The following MIPOL1 variants were observed in gnomAD, a reference collection of about 807,000 sequenced individuals.
MIPOL1 encodes the protein mirror-image polydactyly gene 1 protein.
In MIPOL1, 57 loss-of-function variants were observed where a neutral mutation model predicts 60.9. The ratio of observed to expected loss-of-function variants is 0.94; its 90% CI spans 0.76 to 1.17. MIPOL1 has a LOEUF of 1.17. MIPOL1 is among the 50% of genes most tolerant of loss of function. The pLI is 0.00. For missense variants in MIPOL1, 551 were observed against 511.6 expected (o/e 1.08, Z -0.74); for synonymous variants, 179 against 168.8 (o/e 1.06, Z -0.47).
chr14:37,225,400 C>G lies in MIPOL1; in HGVS notation c.-198-21703C>G, dbSNP rs151231880. On this transcript the variant is annotated intron_variant, in intron 1 of 12. Transcript: ENST00000684589. ...ACATCCAGGCATTTCCGTACATCCTCTGAAATCTAGGCAGAGGTTCCCAAA... is the reference window on the plus strand; with the variant it reads ...ACATCCAGGCATTTCCGTACATCCTGTGAAATCTAGGCAGAGGTTCCCAAA... 5.6e-3 allele frequency among the ~76,000 whole-genome samples: 853 copies of G among 152,316 alleles called. 5 individuals are homozygous for G. The highest frequency in any genetic ancestry group is 0.019 in the African/African-American group (807 of 41,580).
At chr14:37,527,110 A>T (rs1338248143) in intron 12 of MIPOL1, among the ~76,000 whole-genome samples, 1 of 152,198 alleles carries the variant, frequency 6.6e-6, no homozygotes, top group East Asian at 1.9e-4. Flanking sequence ...TGGACAAAAA[A>T]TTGTTTATAA....
intron 9 of MIPOL1, among the ~76,000 whole-genome samples, chr14:37,322,099 A>G (rs1011997528): frequency 6.6e-6 from 1 of 152,038 alleles, no homozygotes; most frequent in East Asian, 1.9e-4. Context: ...TGATGCATTC[A>G]TGTAAATGCA....
chr14:37,313,795 A>G (rs1177347231), intron 9 of MIPOL1, among the ~76,000 whole-genome samples: 1 of 152,178 alleles, frequency 6.6e-6, no homozygotes, highest in African/African-American at 2.4e-5. Flanking sequence ...CTTGATTATA[A>G]TTAGTTCAGA....
At chr14:37,455,778 G>A (rs947825757) in intron 11 of MIPOL1, among the ~76,000 whole-genome samples, 2 of 152,198 alleles carry the variant, frequency 1.3e-5, no homozygotes, top group African/African-American at 4.8e-5. Flanking sequence ...GGCAACTAAT[G>A]TGTTTATATT....
At chr14:37,234,317 T>A (rs1567090631) in intron 1 of MIPOL1, among the ~76,000 whole-genome samples, 2 of 151,960 alleles carry the variant, frequency 1.3e-5, no homozygotes, top group Non-Finnish European at 2.9e-5. Flanking sequence ...GAGCTTCATC[T>A]TCAATATTGT....
chr14:37,512,499 A>G (rs980066988), intron 12 of MIPOL1, among the ~76,000 whole-genome samples: 3 of 151,018 alleles, frequency 2.0e-5, no homozygotes, highest in African/African-American at 7.3e-5. Flanking sequence ...AAAGCCTGCT[A>G]TTTTCATCAA....
chr14:37,386,462 C>G (rs969377094), intron 10 of MIPOL1, among the ~76,000 whole-genome samples: 3 of 151,836 alleles, frequency 2.0e-5, no homozygotes, highest in African/African-American at 7.2e-5. Flanking sequence ...ATAAATTGAT[C>G]TTGTTTCTCC....
At chr14:37,552,247 T>C (rs1475994560), downstream of MIPOL1, 1 of 152,232 alleles carries the variant, frequency 6.6e-6, no homozygotes, top group Non-Finnish European at 1.5e-5. Context: ...TTGTGATTTG[T>C]CACACATTTT....
chr14:37,472,442 CT>C (rs1566665965), intron 11 of MIPOL1, among the ~76,000 whole-genome samples: 1 of 137,254 alleles, frequency 7.3e-6, no homozygotes, highest in African/African-American at 2.7e-5. Flanking sequence ...GAGAAACTAA[CT>C]AGTGAGAGTG....
At chr14:37,209,128 G>C (rs936979502) in intron 1 of MIPOL1, among the ~76,000 whole-genome samples, 2 of 151,980 alleles carry the variant, frequency 1.3e-5, no homozygotes, top group Non-Finnish European at 2.9e-5. Context: ...AACTAATCCA[G>C]AGCTGATGTT....
intron 9 of MIPOL1, among the ~76,000 whole-genome samples, chr14:37,313,290 G>A (rs2087543846): frequency 6.6e-6 from 1 of 152,086 alleles, no homozygotes; most frequent in Non-Finnish European, 1.5e-5. Flanking sequence ...TATTAGCTTT[G>A]AGGGCTGACT....
intron 12 of MIPOL1, among the ~76,000 whole-genome samples, chr14:37,537,612 G>A (rs1274012096): frequency 6.6e-6 from 1 of 152,080 alleles, no homozygotes; most frequent in Non-Finnish European, 1.5e-5. Flanking sequence ...CCATTTAATA[G>A]TGAATGTGTT....
rs150662354 is a variant in MIPOL1 at position 37,406,647 on chromosome 14, A to G, written c.937-16208A>G. ...GACTTTTTTGAGGAACCCACATTCC[A>G]TCTGATGCTTTAAGTATTTTCTTGT... On this transcript the variant is annotated intron_variant, in intron 10 of 12. Transcript: ENST00000684589. 6.1e-3 allele frequency among the ~76,000 whole-genome samples: 929 copies of G among 152,268 alleles called. 13 individuals are homozygous for G. Among genetic ancestry groups the G allele is most frequent in the African/African-American group, 0.02 (850 of 41,572 alleles).
chr14:37,252,394 A>G (rs1594747931), intron 3 of MIPOL1, among the ~76,000 whole-genome samples: 1 of 152,076 alleles, frequency 6.6e-6, no homozygotes, highest in Non-Finnish European at 1.5e-5. Flanking sequence ...GTAAATATTT[A>G]ACAATTTTTT....
At chr14:37,324,364 T>G (rs2088926377) in intron 9 of MIPOL1, among the ~76,000 whole-genome samples, 1 of 152,120 alleles carries the variant, frequency 6.6e-6, no homozygotes, top group Non-Finnish European at 1.5e-5. Flanking sequence ...TATATTTTCT[T>G]TATTGAAACA....
chr14:37,405,861 G>A (rs10150051), intron 10 of MIPOL1, among the ~76,000 whole-genome samples: 84,535 of 150,066 alleles, frequency 0.56, 25,371 homozygotes, highest in Non-Finnish European at 0.67. Context: ...AAGTTTCCTT[G>A]TAAAACAATA....
At chr14:37,405,417 T>TA (rs2093568077) in intron 10 of MIPOL1, among the ~76,000 whole-genome samples, 1 of 152,132 alleles carries the variant, frequency 6.6e-6, no homozygotes, top group South Asian at 2.1e-4. Flanking sequence ...TGTCATCTCT[T>TA]AAAAACTTCA....
chr14:37,363,258 T>C lies in MIPOL1; in HGVS notation c.829-6259T>C, dbSNP rs184645616. Among the ~76,000 whole-genome samples, 171 of 152,340 alleles carry C rather than the reference T, an allele frequency of 1.1e-3. 2 individuals carry two copies. Among genetic ancestry groups the C allele is most frequent in the South Asian group, 2.9e-3 (14 of 4,828 alleles). On this transcript the variant is annotated intron_variant, in intron 9 of 12. Transcript: ENST00000684589. ...CCCATCTTTATGTATTTATCTACCT[T>C]TGGTCTCTGATGTTTTTGACCTACA...
At chr14:37,503,419 C>G (rs78186550) in intron 12 of MIPOL1, 1 of 152,074 alleles carries the variant, frequency 6.6e-6, no homozygotes, top group Non-Finnish European at 1.5e-5. Flanking sequence ...GGCAGAAACC[C>G]TACAAGCCAG....
Sources: gnomAD v4.1 joint callset for allele counts (sites outside exome capture counted in the v4.1 genomes callset) on GRCh38, gnomAD v4.1.1 for gene constraint, MANE v1.5 for transcripts, NCBI Gene and HGNC (gene_info 2026-07-23, HGNC 2026-07-21) for gene names.